PRKCA: variants seen among roughly 807,000 people sequenced by gnomAD.
PRKCA encodes the protein protein kinase C alpha type.
PRKCA carries 27 observed loss-of-function variants against 87.0 expected under a neutral mutation model. The observed-to-expected ratio is 0.31, with a 90% CI of 0.23 to 0.43. The LOEUF (loss-of-function observed/expected upper bound fraction) is 0.43, where lower values mean the gene tolerates loss of function less well. Among genes scored for constraint, PRKCA ranks in the 20% least tolerant of loss-of-function variants. PRKCA has a pLI of 1.00. For synonymous variants in PRKCA, 329 were observed against 311.1 expected (o/e 1.06, Z -0.61); for missense variants, 518 against 852.3 (o/e 0.61, Z 4.88).
intron 2 of PRKCA, among the ~76,000 whole-genome samples, chr17:66,409,517 T>TC (rs1318111887): frequency 1.3e-5 from 2 of 152,248 alleles, no homozygotes; most frequent in Non-Finnish European, 2.9e-5. Flanking sequence ...TGTCACTCTC[T>TC]CAGATGGATT....
intron 16 of PRKCA, among the ~76,000 whole-genome samples, chr17:66,794,235 T>G (rs946415562): frequency 6.6e-6 from 1 of 152,208 alleles, no homozygotes; most frequent in Admixed American, 6.5e-5. Flanking sequence ...AGTATTCTGT[T>G]TTTTAAAAGG....
At chr17:66,440,563 C>T (rs543996373) in intron 2 of PRKCA, among the ~76,000 whole-genome samples, 16 of 152,054 alleles carry the variant, frequency 1.1e-4, no homozygotes, top group Non-Finnish European at 2.1e-4. Context: ...AGAGCCACAG[C>T]GGCAGTGAGT....
chr17:66,528,073 G>A (rs555395376), intron 3 of PRKCA, among the ~76,000 whole-genome samples: 1 of 152,046 alleles, frequency 6.6e-6, no homozygotes, highest in Non-Finnish European at 1.5e-5. Flanking sequence ...AGGCGTGGTG[G>A]CTACTGTAAG....
intron 5 of PRKCA, among the ~76,000 whole-genome samples, chr17:66,682,020 A>G (rs1483402165): frequency 6.6e-6 from 1 of 152,190 alleles, no homozygotes; most frequent in African/African-American, 2.4e-5. Context: ...CCTGTGGCTT[A>G]GATTCTCCAA....
chr17:66,776,770 G>A (rs917403196), intron 14 of PRKCA, among the ~76,000 whole-genome samples: 2 of 152,208 alleles, frequency 1.3e-5, no homozygotes, highest in Non-Finnish European at 2.9e-5. Flanking sequence ...TTCTTCCAGG[G>A]TCTTACATCT....
intron 2 of PRKCA, among the ~76,000 whole-genome samples, chr17:66,462,443 C>A (rs149132208): frequency 1.1e-3 from 160 of 152,300 alleles, no homozygotes; most frequent in Middle Eastern, 3.4e-3. Context: ...TCCCATGTAG[C>A]AGTTCCATTT....
chr17:66,445,499 T>C (rs567608830), intron 2 of PRKCA, among the ~76,000 whole-genome samples: 38 of 152,336 alleles, frequency 2.5e-4, no homozygotes, highest in African/African-American at 9.1e-4. Flanking sequence ...ACAGGCCTAA[T>C]TGAAACCATC....
At position 66,663,872 on chromosome 17, in the gene PRKCA, G is replaced by GT. The variant is rs34996655; in HGVS notation, c.529+18374dup. 1.8e-3 allele frequency among the ~76,000 whole-genome samples: 253 copies of GT among 143,638 alleles called. 1 individual carries two copies. The highest frequency in any genetic ancestry group is 5.9e-3 in the South Asian group (26 of 4,430). 94.2% of individuals were successfully genotyped at this position (143,638 alleles called of 152,430 possible). A position where few individuals can be genotyped will look rare whatever the true frequency, so the allele number is the denominator to read the frequency against. On this transcript the variant is annotated intron_variant, in intron 5 of 16. Coordinates refer to ENST00000413366, the MANE Select transcript of PRKCA (RefSeq NM_002737.3). ...GTTGTTTGGTTTGTTTGATTTTGGG[G>GT]TTTTTTTTTTTTTGAGACAGGGTCT...
intron 8 of PRKCA, among the ~76,000 whole-genome samples, chr17:66,692,957 C>T (rs1198162239): frequency 6.6e-6 from 1 of 152,176 alleles, no homozygotes; most frequent in Non-Finnish European, 1.5e-5. Flanking sequence ...CCATGTCCAG[C>T]CCTGTTTTCT....
chr17:66,464,721 C>T (rs979115996), intron 2 of PRKCA, among the ~76,000 whole-genome samples: 3 of 152,122 alleles, frequency 2.0e-5, no homozygotes, highest in African/African-American at 7.2e-5. Flanking sequence ...GTTTGTTTTC[C>T]TATTGCTGAA....
intron 2 of PRKCA, among the ~76,000 whole-genome samples, chr17:66,327,812 A>AT (rs930966694): frequency 7.9e-5 from 12 of 151,994 alleles, no homozygotes; most frequent in Non-Finnish European, 1.6e-4. Context: ...TATTCAACAG[A>AT]TTTTTTTTCC....
intron 2 of PRKCA, among the ~76,000 whole-genome samples, chr17:66,461,637 A>G (rs1914859541): frequency 6.6e-6 from 1 of 152,202 alleles, no homozygotes; most frequent in Admixed American, 6.5e-5. Flanking sequence ...GGTAAAAATG[A>G]TGTAACATTT....
At chr17:66,787,061 A>G (rs1289390064) in intron 15 of PRKCA, 87 bp downstream of exon 15, 3 of 1,044,360 alleles carry the variant, frequency 2.9e-6, no homozygotes, top group Non-Finnish European at 4.5e-6. Flanking sequence ...GAGAGATGGC[A>G]GAAACACCAC....
chr17:66,363,400 G>A (rs1908512684), intron 2 of PRKCA, among the ~76,000 whole-genome samples: 1 of 152,196 alleles, frequency 6.6e-6, no homozygotes, highest in Non-Finnish European at 1.5e-5. Context: ...AAAATGAAGC[G>A]TTGGTATTGG....
intron 2 of PRKCA, among the ~76,000 whole-genome samples, chr17:66,377,817 C>T (rs1259676951): frequency 1.4e-5 from 2 of 142,148 alleles, no homozygotes; most frequent in Admixed American, 7.6e-5. Context: ...GACAGATTCT[C>T]ACTACATTGC....
rs148780315 is a variant in PRKCA at position 66,630,991 on chromosome 17, A to C, written c.289-10364A>C. Among the ~76,000 whole-genome samples, 829 of 152,270 alleles carry C rather than the reference A, an allele frequency of 5.4e-3. 12 individuals carry two copies. Among genetic ancestry groups the C allele is most frequent in the African/African-American group, 0.017 (717 of 41,542 alleles). On this transcript the variant is annotated intron_variant, in intron 3 of 16. Coordinates refer to ENST00000413366, the MANE Select transcript of PRKCA (RefSeq NM_002737.3). ...ATTGGCCATGTGCCTTGCTTTGGCC[A>C]GTGACATGCAAACAGAAATGATGAC...
intron 2 of PRKCA, among the ~76,000 whole-genome samples, chr17:66,335,304 A>ATT (rs896810842): frequency 1.4e-5 from 2 of 148,062 alleles, no homozygotes; most frequent in South Asian, 4.3e-4. Context: ...AATTTTTTTG[A>ATT]TTTTTTTTTT....
intron 2 of PRKCA, among the ~76,000 whole-genome samples, chr17:66,460,219 G>GAAGT (rs936640631): frequency 2.0e-5 from 3 of 152,180 alleles, no homozygotes; most frequent in African/African-American, 7.2e-5. Flanking sequence ...CGTGGACTTA[G>GAAGT]AAGTGCCTAG....
chr17:66,773,786 G>A (rs577096746), intron 13 of PRKCA, among the ~76,000 whole-genome samples: 7 of 152,168 alleles, frequency 4.6e-5, no homozygotes, highest in Admixed American at 2.6e-4. Flanking sequence ...CAAACCAGCC[G>A]TGGGCAGTGA....
Sources: allele counts gnomAD v4.1 joint callset (sites outside exome capture counted in the v4.1 genomes callset), GRCh38; gene constraint gnomAD v4.1.1; transcripts MANE v1.5; gene names NCBI Gene and HGNC (gene_info 2026-07-23, HGNC 2026-07-21).